The following ADAMTSL1 variants were observed in gnomAD, a reference collection of about 807,000 sequenced individuals.
The protein encoded by ADAMTSL1 is ADAMTS like 1.
In ADAMTSL1, 126 loss-of-function variants were observed where a neutral mutation model predicts 201.8. That is an observed-to-expected ratio of 0.62 (90% CI 0.54 to 0.72). The LOEUF (loss-of-function observed/expected upper bound fraction) is 0.72. ADAMTSL1 is among the 30% of genes least tolerant of loss of function. ADAMTSL1 has a pLI of 0.00. For missense variants in ADAMTSL1, 2,679 were observed against 2,277.8 expected (o/e 1.18, Z -3.59); for synonymous variants, 1,121 against 903.4 (o/e 1.24, Z -4.32).
At chr9:18,161,551 T>C (rs1008289694) in intron 1 of ADAMTSL1, among the ~76,000 whole-genome samples, 2 of 152,096 alleles carry the variant, frequency 1.3e-5, no homozygotes, top group Non-Finnish European at 2.9e-5. Context: ...ATGTCAATTC[T>C]GGATTACTGT....
intron 2 of ADAMTSL1, among the ~76,000 whole-genome samples, chr9:18,401,532 T>C (rs1173777997): frequency 6.6e-6 from 1 of 152,184 alleles, no homozygotes; most frequent in Non-Finnish European, 1.5e-5. Flanking sequence ...GAAGAGGCCT[T>C]CTCTGAAGCA....
chr9:17,968,858 T>C (rs1168982634), intron 1 of ADAMTSL1, among the ~76,000 whole-genome samples: 1 of 152,132 alleles, frequency 6.6e-6, no homozygotes. Context: ...TGCAGAATGG[T>C]ATCTAACTGC....
Position 18,909,810 on chromosome 9 carries a change from T to TATC in ADAMTSL1, c.*1263_*1265dup, listed in dbSNP as rs138930294. On this transcript the variant is annotated 3_prime_UTR_variant, in exon 29 of 29. Coordinates refer to ENST00000380548, the MANE Select transcript of ADAMTSL1 (RefSeq NM_001040272.6). ...TGCAGGTCCTCCGGCATGTAGTATT[T>TATC]ATCTAGCAAGGCGGGGTGGTGGAGG... is the stretch of plus-strand genomic sequence containing the variant. 4,914 of 152,356 alleles carry TATC rather than the reference T, an allele frequency of 0.032. 133 individuals are homozygous for TATC. Among genetic ancestry groups the TATC allele is most frequent in the South Asian group, 0.13 (633 of 4,812 alleles). The allele number at this position is 152,356 out of a possible 1,614,324, so 9.4% of individuals were successfully genotyped here.
chr9:18,373,093 G>C lies in ADAMTSL1; in HGVS notation c.208-131736G>C, dbSNP rs75861915. On this transcript the variant is annotated intron_variant, in intron 2 of 29. Coordinates refer to the ADAMTSL1 transcript ENST00000680146. Reference sequence around the variant, plus strand: ...TCCTGCTATAATTTCTAAAATTATAGGTTTAAGTTGGATTATTTCTGGAGT... The same window carrying C: ...TCCTGCTATAATTTCTAAAATTATACGTTTAAGTTGGATTATTTCTGGAGT... Among the ~76,000 whole-genome samples, 140 of 152,284 alleles carry C rather than the reference G, an allele frequency of 9.2e-4. 3 individuals are homozygous for C. The East Asian group carries it at 0.024, about 26-fold the overall frequency.
At chr9:18,042,781 G>A (rs1233076768) in intron 1 of ADAMTSL1, among the ~76,000 whole-genome samples, 1 of 152,044 alleles carries the variant, frequency 6.6e-6, no homozygotes, top group Admixed American at 6.6e-5. Context: ...GTGCCAAGAA[G>A]GTATACTCAA....
intron 21 of ADAMTSL1, among the ~76,000 whole-genome samples, chr9:18,824,557 G>A (rs1441828444): frequency 6.6e-6 from 1 of 152,128 alleles, no homozygotes; most frequent in Non-Finnish European, 1.5e-5. Context: ...CAGAAGGCTA[G>A]CCATTAAGGG....
At position 18,905,891 on chromosome 9, in the gene ADAMTSL1, G is replaced by C; in HGVS notation, c.4961G>C (p.Arg1654Thr). The change falls in exon 27 of 29, where the codon AGG becomes ACG. Residue 1654 changes from arginine to threonine, a missense_variant and splice_region_variant. Arg to Thr is a moderately conservative substitution (Grantham distance 71). Coordinates refer to ENST00000380548, the MANE Select transcript of ADAMTSL1 (RefSeq NM_001040272.6). ...LPSEQCSALP[R>T]PVSTQNCWSE... ...TCAGAGCAGTGCAGTGCTCTTCCGA[G>C]GTAAGAGAAAGCCCTGAATCTCCTT... The C allele has an allele frequency of 2.5e-6, 4 of 1,605,188 alleles. No homozygotes were observed. Among genetic ancestry groups the C allele is most frequent in the Non-Finnish European group, 3.4e-6 (4 of 1,174,606 alleles).
In ADAMTSL1 at chr9:18,684,615, G is replaced by T. The variant is rs144949229; in HGVS notation, c.1490-101G>T. ...TTTACCCAAAAACTTATTCGTGTTG[G>T]TCAACGTAGTAACTTCTTGGTGAGG... is the stretch of plus-strand genomic sequence containing the variant. On this transcript the variant is annotated intron_variant, in intron 12 of 28. Coordinates refer to ENST00000380548, the MANE Select transcript of ADAMTSL1 (RefSeq NM_001040272.6). 11,338 of 1,315,602 alleles carry T rather than the reference G, an allele frequency of 8.6e-3. 58 individuals carry two copies. Among genetic ancestry groups the T allele is most frequent in the Non-Finnish European group, 9.8e-3 (9,715 of 986,668 alleles). The allele number at this position is 1,315,602 out of a possible 1,614,324, so 81.5% of individuals were successfully genotyped here. A position where few individuals can be genotyped will look rare whatever the true frequency, so the allele number is the denominator to read the frequency against.
chr9:18,840,970 T>C (rs1380733303), intron 23 of ADAMTSL1, among the ~76,000 whole-genome samples: 1 of 148,248 alleles, frequency 6.7e-6, no homozygotes, highest in South Asian at 2.2e-4. Flanking sequence ...TATACAATCA[T>C]GTCATCTGCA....
At chr9:18,625,106 C>G (rs556295331) in intron 5 of ADAMTSL1, among the ~76,000 whole-genome samples, 1 of 152,134 alleles carries the variant, frequency 6.6e-6, no homozygotes. Flanking sequence ...CTGCAGGGCC[C>G]AGTGGAGAAG....
chr9:18,143,563 C>T (rs1313123802), intron 1 of ADAMTSL1, among the ~76,000 whole-genome samples: 1 of 152,072 alleles, frequency 6.6e-6, no homozygotes, highest in African/African-American at 2.4e-5. Flanking sequence ...GGCATCCTCC[C>T]TTGTCAGAAC....
intron 3 of ADAMTSL1, among the ~76,000 whole-genome samples, chr9:18,559,342 C>T (rs900629448): frequency 6.6e-6 from 1 of 152,102 alleles, no homozygotes; most frequent in African/African-American, 2.4e-5. Context: ...TTTCTGAGGC[C>T]TCTGTTCAGT....
chr9:18,707,788 T>A (rs909202580), intron 14 of ADAMTSL1, among the ~76,000 whole-genome samples: 6 of 152,240 alleles, frequency 3.9e-5, no homozygotes. Flanking sequence ...TTTCCACATA[T>A]ATCCATCTGG....
intron 2 of ADAMTSL1, among the ~76,000 whole-genome samples, chr9:18,334,119 G>T (rs561808151): frequency 1.0e-3 from 155 of 152,158 alleles, no homozygotes; most frequent in African/African-American, 3.7e-3. Context: ...AGTAAAAAGT[G>T]ATTAATATTA....
intron 4 of ADAMTSL1, among the ~76,000 whole-genome samples, chr9:18,607,171 G>C (rs71506879): frequency 0.061 from 9,311 of 152,218 alleles, 369 homozygotes; most frequent in Non-Finnish European, 0.091. Flanking sequence ...CTTCTAGTAA[G>C]AAATGTGTTC....
intron 1 of ADAMTSL1, among the ~76,000 whole-genome samples, chr9:17,995,159 G>C (rs1337027669): frequency 6.6e-6 from 1 of 152,058 alleles, no homozygotes; most frequent in Non-Finnish European, 1.5e-5. Flanking sequence ...CTTTGTATTA[G>C]TACTTCCATC....
chr9:18,259,188 C>T (rs1048668563), intron 2 of ADAMTSL1, among the ~76,000 whole-genome samples: 2 of 152,092 alleles, frequency 1.3e-5, no homozygotes, highest in African/African-American at 4.8e-5. Context: ...ATGTGCTTAC[C>T]AAAGTCATAG....
chr9:18,126,574 G>A (rs56745177), intron 1 of ADAMTSL1, among the ~76,000 whole-genome samples: 1 of 152,196 alleles, frequency 6.6e-6, no homozygotes. Context: ...GCTTGCAATA[G>A]CCACTTGGGG....
chr9:18,749,718 A>C (rs957863790), intron 15 of ADAMTSL1, among the ~76,000 whole-genome samples: 13 of 152,210 alleles, frequency 8.5e-5, no homozygotes, highest in Non-Finnish European at 1.5e-4. Flanking sequence ...GAAGTAGGGA[A>C]GAGTCTCTGC....
Sources: gnomAD v4.1 joint callset for allele counts (sites outside exome capture counted in the v4.1 genomes callset) on GRCh38, gnomAD v4.1.1 for gene constraint, MANE v1.5 for transcripts, NCBI Gene and HGNC (gene_info 2026-07-23, HGNC 2026-07-21) for gene names.